The following GRID2 variants were observed in gnomAD, a reference collection of about 807,000 sequenced individuals.
GRID2 encodes glutamate receptor ionotropic, delta-2.
GRID2 carries 33 observed loss-of-function variants against 114.8 expected under a neutral mutation model. That is an observed-to-expected ratio of 0.29 (90% CI 0.22 to 0.38). The LOEUF is 0.38. Ranked by LOEUF, GRID2 falls within the 10% of genes least tolerant of loss-of-function variation. The probability of loss-of-function intolerance (pLI) is 1.00; values close to 1 mark genes in which losing one functional copy is unlikely to be tolerated. For missense variants in GRID2, 1,184 were observed against 1,257.7 expected (o/e 0.94, Z 0.89); for synonymous variants, 505 against 449.9 (o/e 1.12, Z -1.55).
chr4:92,531,316 A>G (rs1971197), intron 1 of GRID2, among the ~76,000 whole-genome samples: 26,793 of 152,078 alleles, frequency 0.18, 2,453 homozygotes, highest in Middle Eastern at 0.26. Context: ...ATATTCAGGT[A>G]TAGTTTTTCA....
intron 1 of GRID2, among the ~76,000 whole-genome samples, chr4:92,359,652 C>T (rs1400240504): frequency 6.6e-6 from 1 of 151,956 alleles, no homozygotes; most frequent in Non-Finnish European, 1.5e-5. Context: ...CATCTCTGCT[C>T]CAGAAACATC....
intron 2 of GRID2, among the ~76,000 whole-genome samples, chr4:92,923,461 C>T (rs182645074): frequency 2.0e-5 from 3 of 152,094 alleles, no homozygotes; most frequent in East Asian, 3.9e-4. Context: ...CATAAAGATA[C>T]AAATTCAAGT....
intron 2 of GRID2, among the ~76,000 whole-genome samples, chr4:92,593,082 A>G (rs1276459845): frequency 9.2e-5 from 14 of 152,016 alleles, no homozygotes; most frequent in Non-Finnish European, 2.1e-4. Context: ...AAAAGATTCA[A>G]TGATACAATT....
At chr4:92,688,206 C>T (rs1040310059) in intron 2 of GRID2, among the ~76,000 whole-genome samples, 7 of 151,322 alleles carry the variant, frequency 4.6e-5, no homozygotes, top group African/African-American at 7.3e-5. Flanking sequence ...CCTGCCACCA[C>T]GCCCAGCTAA....
chr4:92,580,639 T>A (rs1317745399), intron 1 of GRID2, among the ~76,000 whole-genome samples: 2 of 151,936 alleles, frequency 1.3e-5, no homozygotes, highest in African/African-American at 2.4e-5. Context: ...GCAAAATGAG[T>A]TTGACCCTTC....
chr4:93,408,991 A>C (rs114773924), intron 9 of GRID2, among the ~76,000 whole-genome samples: 1 of 152,296 alleles, frequency 6.6e-6, no homozygotes, highest in African/African-American at 2.4e-5. Context: ...TGGCTGAAAT[A>C]GTGAGGGTAG....
intron 2 of GRID2, among the ~76,000 whole-genome samples, chr4:92,905,237 A>G (rs1388637610): frequency 6.6e-6 from 1 of 151,758 alleles, no homozygotes; most frequent in African/African-American, 2.4e-5. Flanking sequence ...AATTTGATTC[A>G]TCCCACCCAA....
intron 8 of GRID2, among the ~76,000 whole-genome samples, chr4:93,341,179 C>A (rs747205603): frequency 1.3e-5 from 2 of 152,056 alleles, no homozygotes; most frequent in Non-Finnish European, 2.9e-5. Flanking sequence ...TTTAAAATTT[C>A]TATAGTAAAC....
At chr4:93,503,270 G>A (rs968225501) in intron 12 of GRID2, among the ~76,000 whole-genome samples, 2 of 152,042 alleles carry the variant, frequency 1.3e-5, no homozygotes, top group Non-Finnish European at 2.9e-5. Flanking sequence ...TATTAAAGGA[G>A]ACTGAAGACT....
intron 14 of GRID2, among the ~76,000 whole-genome samples, chr4:93,698,056 A>C (rs1056504322): frequency 6.6e-6 from 1 of 151,810 alleles, no homozygotes; most frequent in East Asian, 1.9e-4. Context: ...CAAAACTCTT[A>C]ATTATAACTC....
At chr4:92,449,050 C>T (rs1271107569) in intron 1 of GRID2, among the ~76,000 whole-genome samples, 4 of 151,962 alleles carry the variant, frequency 2.6e-5, no homozygotes, top group South Asian at 2.1e-4. Flanking sequence ...TAGAAATTAT[C>T]GTGCAATATT....
chr4:92,365,036 T>C (rs1016583675), intron 1 of GRID2, among the ~76,000 whole-genome samples: 16 of 151,976 alleles, frequency 1.1e-4, no homozygotes, highest in Non-Finnish European at 1.6e-4. Flanking sequence ...TCTACTACAT[T>C]GTTGGTGGGA....
chr4:93,465,967 G>A (rs1724225781), intron 11 of GRID2, among the ~76,000 whole-genome samples: 1 of 152,062 alleles, frequency 6.6e-6, no homozygotes, highest in African/African-American at 2.4e-5. Flanking sequence ...AACCCAAATT[G>A]AGTGGAATTA....
intron 14 of GRID2, among the ~76,000 whole-genome samples, chr4:93,703,783 A>G (rs960203149): frequency 6.6e-6 from 1 of 151,776 alleles, no homozygotes; most frequent in Non-Finnish European, 1.5e-5. Context: ...GCTGAGAATG[A>G]TGGTTTCCAC....
chr4:92,368,988 G>A (rs554009609), intron 1 of GRID2, among the ~76,000 whole-genome samples: 33 of 150,186 alleles, frequency 2.2e-4, no homozygotes, highest in African/African-American at 4.4e-4. Flanking sequence ...TCAAAAGACC[G>A]TGTGAGATCT....
chr4:93,071,462 G>C (rs1204327991), intron 2 of GRID2, among the ~76,000 whole-genome samples: 1 of 152,078 alleles, frequency 6.6e-6, no homozygotes, highest in African/African-American at 2.4e-5. Flanking sequence ...AGTAAAAATA[G>C]AGAAATAGAT....
intron 1 of GRID2, among the ~76,000 whole-genome samples, chr4:92,308,405 T>A (rs181319642): frequency 2.6e-5 from 4 of 152,306 alleles, no homozygotes; most frequent in Admixed American, 2.6e-4. Flanking sequence ...ATATTTTTGT[T>A]GTTTTCAGTC....
intron 8 of GRID2, among the ~76,000 whole-genome samples, chr4:93,328,787 A>G (rs1038784749): frequency 2.0e-5 from 3 of 152,070 alleles, no homozygotes; most frequent in Non-Finnish European, 4.4e-5. Flanking sequence ...CAGGATCAGT[A>G]GGTTATGTGG....
intron 13 of GRID2, among the ~76,000 whole-genome samples, chr4:93,555,201 C>G (rs1734191565): frequency 6.6e-6 from 1 of 152,162 alleles, no homozygotes; most frequent in South Asian, 2.1e-4. Flanking sequence ...AGATACCAAG[C>G]TAGCTTCAGG....
Sources: gnomAD v4.1 joint callset for allele counts (sites outside exome capture counted in the v4.1 genomes callset) on GRCh38, gnomAD v4.1.1 for gene constraint, MANE v1.5 for transcripts, NCBI Gene and HGNC (gene_info 2026-07-23, HGNC 2026-07-21) for gene names.